The following ADAMTS17 variants were observed in gnomAD, a reference collection of about 807,000 sequenced individuals.
ADAMTS17 encodes A disintegrin and metalloproteinase with thrombospondin motifs 17.
In ADAMTS17, 113 loss-of-function variants were observed where a neutral mutation model predicts 141.5. That is an observed-to-expected ratio of 0.80 (90% CI 0.69 to 0.93). The LOEUF (loss-of-function observed/expected upper bound fraction) is 0.93, where lower values mean the gene tolerates loss of function less well. Ranked by LOEUF, ADAMTS17 falls within the 40% of genes least tolerant of loss-of-function variation. The pLI, the probability that ADAMTS17 is intolerant of heterozygous loss-of-function variation, is 0.00. For missense variants in ADAMTS17, 1,659 were observed against 1,517.9 expected, an observed-to-expected ratio of 1.09 and a Z score of -1.54; for synonymous variants, 768 against 630.6, an observed-to-expected ratio of 1.22 and a Z score of -3.27.
intron 14 of ADAMTS17, among the ~76,000 whole-genome samples, chr15:100,107,603 C>T (rs34447144): frequency 1.3e-5 from 2 of 151,718 alleles, no homozygotes; most frequent in Admixed American, 1.3e-4. Context: ...GGATGTTTTG[C>T]GAGGTGACTG....
intron 6 of ADAMTS17, among the ~76,000 whole-genome samples, chr15:100,255,999 G>A (rs1198368302): frequency 2.0e-5 from 3 of 152,202 alleles, no homozygotes; most frequent in Non-Finnish European, 4.4e-5. Context: ...AAGGTCAGCC[G>A]AATCTGAATC....
chr15:100,223,330 ACT>A (rs1356808906), intron 7 of ADAMTS17, among the ~76,000 whole-genome samples: 2 of 151,868 alleles, frequency 1.3e-5, no homozygotes, highest in African/African-American at 4.8e-5. Context: ...AAAAGCACTG[ACT>A]CTTTTTTTTC....
chr15:100,184,159 C>T (rs2040622003), intron 8 of ADAMTS17, among the ~76,000 whole-genome samples: 1 of 152,196 alleles, frequency 6.6e-6, no homozygotes, highest in African/African-American at 2.4e-5. Context: ...TCACTATGTC[C>T]TGTTTATGAA....
At chr15:100,295,192 C>G (rs942773877) in intron 3 of ADAMTS17, among the ~76,000 whole-genome samples, 1 of 152,224 alleles carries the variant, frequency 6.6e-6, no homozygotes, top group Non-Finnish European at 1.5e-5. Flanking sequence ...ACCCAGGCCT[C>G]AACTTGGTGC....
chr15:100,190,038 G>A (rs1164454712), intron 8 of ADAMTS17, among the ~76,000 whole-genome samples: 3 of 152,204 alleles, frequency 2.0e-5, no homozygotes, highest in Non-Finnish European at 4.4e-5. Flanking sequence ...CAAGTGAGGT[G>A]TGAGTCACTG....
chr15:100,155,403 T>A, intron 8 of ADAMTS17, 83 bp from the exon 9 acceptor site: 1 of 1,554,328 alleles, frequency 6.4e-7, no homozygotes, highest in East Asian at 2.4e-5. Flanking sequence ...CATGCTAAGG[T>A]AAATCAAGTC....
chr15:100,285,317 G>A (rs568661405), intron 3 of ADAMTS17, among the ~76,000 whole-genome samples: 1 of 152,258 alleles, frequency 6.6e-6, no homozygotes, highest in East Asian at 1.9e-4. Flanking sequence ...CAAAAATGTT[G>A]AGCAAATATA....
chr15:100,205,924 C>T (rs779954768), intron 7 of ADAMTS17, among the ~76,000 whole-genome samples: 17 of 152,148 alleles, frequency 1.1e-4, no homozygotes, highest in South Asian at 6.2e-4. Context: ...AGGTCTGGCC[C>T]CTCCAGAGGG....
At chr15:100,298,803 C>T (rs2044918467) in intron 3 of ADAMTS17, among the ~76,000 whole-genome samples, 1 of 152,176 alleles carries the variant, frequency 6.6e-6, no homozygotes, top group African/African-American at 2.4e-5. Context: ...GTTAATTTTG[C>T]ATCACCCTTA....
At chr15:100,267,935 T>C (rs2142019744) in intron 4 of ADAMTS17, among the ~76,000 whole-genome samples, 1 of 152,386 alleles carries the variant, frequency 6.6e-6, no homozygotes, top group Middle Eastern at 3.4e-3. Flanking sequence ...ATAGTCACCC[T>C]GTTGTGCTAT....
intron 20 of ADAMTS17, among the ~76,000 whole-genome samples, chr15:99,984,500 T>C (rs2727213): frequency 0.11 from 16,568 of 152,238 alleles, 2,799 homozygotes; most frequent in African/African-American, 0.36. Flanking sequence ...GAGATTCTGA[T>C]GAGAGAAGAG....
At chr15:100,264,350 A>T (rs943874848) in intron 4 of ADAMTS17, among the ~76,000 whole-genome samples, 20 of 152,206 alleles carry the variant, frequency 1.3e-4, no homozygotes, top group African/African-American at 4.3e-4. Context: ...TCAGCATCAG[A>T]ATTGGATCTA....
At chr15:100,254,322 C>T (rs1364459223) in intron 6 of ADAMTS17, 143 bp from the exon 7 acceptor site, 3 of 759,832 alleles carry the variant, frequency 3.9e-6, no homozygotes, top group Non-Finnish European at 6.6e-6. Flanking sequence ...TAACAAACAG[C>T]AGCGTTTGGC....
intron 10 of ADAMTS17, among the ~76,000 whole-genome samples, chr15:100,146,790 C>A (rs563002923): frequency 4.6e-5 from 7 of 152,266 alleles, no homozygotes; most frequent in Admixed American, 3.9e-4. Context: ...CTATAGATGG[C>A]CCCCCTGGGT....
intron 11 of ADAMTS17, 116 bp from the exon 12 acceptor site, chr15:100,132,268 G>A (rs774557642): frequency 7.2e-6 from 10 of 1,394,860 alleles, no homozygotes; most frequent in East Asian, 2.5e-5. Flanking sequence ...TTACATAAAG[G>A]TACAGTCTAT....
chr15:100,266,417 G>T (rs2043718681), intron 4 of ADAMTS17, among the ~76,000 whole-genome samples: 1 of 152,202 alleles, frequency 6.6e-6, no homozygotes, highest in Non-Finnish European at 1.5e-5. Context: ...TGAGCGGTTT[G>T]CCAGGGACAC....
At chr15:100,302,500 A>G (rs1054602886) in intron 3 of ADAMTS17, among the ~76,000 whole-genome samples, 6 of 152,182 alleles carry the variant, frequency 3.9e-5, no homozygotes, top group African/African-American at 1.4e-4. Flanking sequence ...TTCTTCAACA[A>G]CTGCACCATT....
At chr15:100,172,826 G>A (rs1489746123) in intron 8 of ADAMTS17, among the ~76,000 whole-genome samples, 1 of 152,240 alleles carries the variant, frequency 6.6e-6, no homozygotes, top group Non-Finnish European at 1.5e-5. Flanking sequence ...CCTTTCTGCA[G>A]ACAGTAAATT....
chr15:100,032,393 A>G (rs1294983057), intron 18 of ADAMTS17, among the ~76,000 whole-genome samples: 2 of 152,178 alleles, frequency 1.3e-5, no homozygotes, highest in Non-Finnish European at 1.5e-5. Flanking sequence ...CTGAATTTTC[A>G]TTTCTTTTCT....
Sources: allele counts gnomAD v4.1 joint callset (sites outside exome capture counted in the v4.1 genomes callset), GRCh38; gene constraint gnomAD v4.1.1; transcripts MANE v1.5; gene names NCBI Gene and HGNC (gene_info 2026-07-23, HGNC 2026-07-21).